The following THAP5 variants were observed in gnomAD, a reference collection of about 807,000 sequenced individuals.
The protein encoded by THAP5 is THAP domain containing 5.
THAP5 carries 26 observed loss-of-function variants against 34.0 expected under a neutral mutation model. The ratio of observed to expected loss-of-function variants is 0.77; its 90% CI spans 0.56 to 1.06. THAP5 has a LOEUF of 1.06. Ranked by LOEUF, THAP5 falls within the 50% of genes least tolerant of loss-of-function variation. The pLI, the probability that THAP5 is intolerant of heterozygous loss-of-function variation, is 0.00. For missense variants in THAP5, 394 were observed against 452.8 expected, an observed-to-expected ratio of 0.87 and a Z score of 1.18; for synonymous variants, 125 against 153.0, an observed-to-expected ratio of 0.82 and a Z score of 1.35.
chr7:108,549,089 TACAC>T, the THAP5 span, among the ~76,000 whole-genome samples: 24,844 of 136,334 alleles, frequency 0.18, 2,684 homozygotes, highest in East Asian at 0.44. Context: ...ACATGCTTAA[TACAC>T]ACACACACAC....
intron 1 of THAP5, chr7:108,569,277 C>T: frequency 7.0e-7 from 1 of 1,431,978 alleles, no homozygotes; most frequent in Non-Finnish European, 9.1e-7. Flanking sequence ...AAACAGGCTC[C>T]TGGGCCTCGC....
chr7:108,569,734 T>C, upstream of THAP5: 1 of 872,036 alleles, frequency 1.1e-6, no homozygotes. Flanking sequence ...TCCTCCGGTT[T>C]AAGCACCGCC....
At position 108,569,704 on chromosome 7, in the gene THAP5, T is replaced by A. The variant is rs915047634; in HGVS notation, c.-135A>T. 1.5e-5 allele frequency: 18 copies of A among 1,183,144 alleles called. No individual in the cohort carries two copies. The highest frequency in any genetic ancestry group is 2.1e-5 in the Non-Finnish European group (18 of 843,932). The allele number at this position is 1,183,144 out of a possible 1,614,324, so 73.3% of individuals were successfully genotyped here. ...GCATTCTGCCGGGAAAGCCGCCTCG[T>A]CTGTCGACTCACTTCCGCCTCCTCC... On this transcript the variant is annotated 5_prime_UTR_variant, in exon 1 of 3. Coordinates refer to ENST00000415914, the MANE Select transcript of THAP5 (RefSeq NM_001130475.3).
At chr7:108,553,210 A>T (rs62467888), downstream of THAP5, among the ~76,000 whole-genome samples, 2 of 151,992 alleles carry the variant, frequency 1.3e-5, no homozygotes, top group East Asian at 1.9e-4. Context: ...CTGCTCTCTT[A>T]AATTTTTTTT....
chr7:108,569,128 G>T, intron 1 of THAP5: 1 of 1,079,484 alleles, frequency 9.3e-7, no homozygotes, highest in Non-Finnish European at 1.1e-6. Context: ...AACTTTGCGT[G>T]CACCTTTCCA....
rs1408654351 is a variant in THAP5 at position 108,569,688 on chromosome 7, CG to C, written c.-120del. 7.5e-7 allele frequency: 1 copy of C among 1,336,066 alleles called. No homozygotes were observed. Among genetic ancestry groups the C allele is most frequent in the Non-Finnish European group, 1.0e-6 (1 of 976,542 alleles). 82.8% of individuals were successfully genotyped at this position (1,336,066 alleles called of 1,614,324 possible). A position where few individuals can be genotyped will look rare whatever the true frequency, so the allele number is the denominator to read the frequency against. On this transcript the variant is annotated 5_prime_UTR_variant, in exon 1 of 3. Transcript: ENST00000415914. The stretch of plus-strand genomic sequence containing the variant: ...CCCTGCGCCTGCGCTAGCATTCTGC[CG>C]GGAAAGCCGCCTCGTCTGTCGACTC...
rs1790390511 is a variant in THAP5, at chr7:108,563,001, C to A, written c.*1190G>T. The A allele has an allele frequency of 7.2e-6, 1 of 139,216 alleles. No individual in the cohort carries two copies. The highest frequency in any genetic ancestry group is 2.2e-4 in the South Asian group (1 of 4,642). 8.6% of individuals were successfully genotyped at this position (139,216 alleles called of 1,614,324 possible). On this transcript the variant is annotated 3_prime_UTR_variant, in exon 3 of 3. Transcript: ENST00000415914. Reference sequence around the variant, plus strand: ...ATAAGCACATATTTTAAAGGCCACACCTACTAAGAAACAGATACAAACTGT... The same window carrying A: ...ATAAGCACATATTTTAAAGGCCACAACTACTAAGAAACAGATACAAACTGT...
At chr7:108,552,807 A>G (rs962552817), downstream of THAP5, among the ~76,000 whole-genome samples, 3 of 15,434 alleles carry the variant, frequency 1.9e-4, no homozygotes, top group African/African-American at 4.9e-4. Context: ...CTCAGGGGAA[A>G]AAAAAAAATC....
At chr7:108,566,573 T>G (rs1214653268) in intron 1 of THAP5, among the ~76,000 whole-genome samples, 1 of 152,188 alleles carries the variant, frequency 6.6e-6, no homozygotes, top group African/African-American at 2.4e-5. Flanking sequence ...TTTACTAGCA[T>G]CATCTTTAAT....
At chr7:108,561,168 C>G (rs1479942934), downstream of THAP5, among the ~76,000 whole-genome samples, 1 of 152,164 alleles carries the variant, frequency 6.6e-6, no homozygotes, top group Non-Finnish European at 1.5e-5. Context: ...CAAATCCTCT[C>G]TTGCATTAAA....
chr7:108,545,135 T>C, the THAP5 span, among the ~76,000 whole-genome samples: 48 of 152,316 alleles, frequency 3.2e-4, no homozygotes, highest in Middle Eastern at 0.01. Flanking sequence ...TTTTTAAAAA[T>C]AGACACACTG....
At chr7:108,565,646 G>A (rs1289603502) in intron 2 of THAP5, 184 bp downstream of exon 2, 1 of 464,196 alleles carries the variant, frequency 2.2e-6, no homozygotes, top group Non-Finnish European at 3.8e-6. Flanking sequence ...CTTCTCTTAA[G>A]CTGTGCTTCA....
chr7:108,544,418 C>G, the THAP5 span, among the ~76,000 whole-genome samples: 1 of 151,702 alleles, frequency 6.6e-6, no homozygotes, highest in South Asian at 2.1e-4. Context: ...GTAATCCCAG[C>G]TACTCAGGAG....
At chr7:108,556,238 C>G (rs1414069661) in intron 1 of THAP5, among the ~76,000 whole-genome samples, 1 of 152,150 alleles carries the variant, frequency 6.6e-6, no homozygotes, top group Non-Finnish European at 1.5e-5. Flanking sequence ...CTTGCCCCTC[C>G]CAAATCTCAT....
In THAP5 at chr7:108,564,317, T is replaced by G. The variant is rs776851798; in HGVS notation, c.1062A>C (p.Gln354His). 1.2e-6 allele frequency: 2 copies of G among 1,613,880 alleles called. No individual in the cohort carries two copies. The highest frequency in any genetic ancestry group is 1.7e-6 in the Non-Finnish European group (2 of 1,179,890). Residue 354 changes from glutamine to histidine, a missense_variant, in exon 3 of 3, where the codon CAA becomes CAC. Physicochemically the swap from Gln to His is conservative, Grantham distance 24. Transcript: ENST00000415914. The stretch of plus-strand genomic sequence containing the variant: ...CCAAAGACTTCAATCTACCTAGAGT[T>G]TGTTGCTCTTTTAACTCTAGAAGAG... ...KITLLELKEQ[Q>H]TLGRLKSLEA...
At chr7:108,542,180 C>T in the THAP5 span, among the ~76,000 whole-genome samples, 1 of 152,020 alleles carries the variant, frequency 6.6e-6, no homozygotes, top group African/African-American at 2.4e-5. Flanking sequence ...ATATCTATAT[C>T]TAGATTTAGA....
chr7:108,545,242 A>C, the THAP5 span, among the ~76,000 whole-genome samples: 1 of 152,210 alleles, frequency 6.6e-6, no homozygotes, highest in Non-Finnish European at 1.5e-5. Context: ...TAATATTACT[A>C]TGTAGTGTTA....
downstream of THAP5, among the ~76,000 whole-genome samples, chr7:108,551,571 A>G (rs541245383): frequency 1.1e-3 from 173 of 152,322 alleles, no homozygotes; most frequent in African/African-American, 3.9e-3. Flanking sequence ...AAATAGACTA[A>G]GACGTCCACA....
In THAP5 at chr7:108,563,717, T is replaced by C. The variant is rs948714734; in HGVS notation, c.*474A>G. 1.3e-5 allele frequency: 2 copies of C among 152,914 alleles called. No individual in the cohort carries two copies. Among genetic ancestry groups the C allele is most frequent in the African/African-American group, 4.8e-5 (2 of 41,452 alleles). 9.5% of individuals were successfully genotyped at this position (152,914 alleles called of 1,614,324 possible). A position where few individuals can be genotyped will look rare whatever the true frequency, so the allele number is the denominator to read the frequency against. The stretch of plus-strand genomic sequence containing the variant: ...AACTTCTAGTATTACGTATATATTA[T>C]CTTACAGAAAATGTGTTCTAATAGA... On this transcript the variant is annotated 3_prime_UTR_variant, in exon 3 of 3. Coordinates refer to ENST00000415914, the MANE Select transcript of THAP5 (RefSeq NM_001130475.3).
Sources: gnomAD v4.1 joint callset for allele counts (sites outside exome capture counted in the v4.1 genomes callset) on GRCh38, gnomAD v4.1.1 for gene constraint, MANE v1.5 for transcripts, NCBI Gene and HGNC (gene_info 2026-07-23, HGNC 2026-07-21) for gene names.